Variants in POFUT3 observed in about 807,000 individuals in gnomAD.
POFUT3 encodes the protein GDP-fucose protein O-fucosyltransferase 3.
chr8:33,318,514 A>C, the POFUT3 span, among the ~76,000 whole-genome samples: 1 of 126,106 alleles, frequency 7.9e-6, no homozygotes, highest in Non-Finnish European at 1.6e-5. Context: ...ATAATATATT[A>C]TGATTATAAT....
the POFUT3 span, among the ~76,000 whole-genome samples, chr8:33,429,267 C>T: frequency 6.6e-6 from 1 of 152,106 alleles, no homozygotes; most frequent in Non-Finnish European, 1.5e-5. Flanking sequence ...CTTTCCATTA[C>T]TCCAGTTTCT....
the POFUT3 span, among the ~76,000 whole-genome samples, chr8:33,393,451 C>T: frequency 6.6e-6 from 1 of 152,298 alleles, no homozygotes; most frequent in South Asian, 2.1e-4. Context: ...AAAACGAATG[C>T]TGGCAAAGGG....
the POFUT3 span, among the ~76,000 whole-genome samples, chr8:33,442,108 C>T: frequency 6.6e-6 from 1 of 152,040 alleles, no homozygotes; most frequent in Non-Finnish European, 1.5e-5. Context: ...TGCCACCATG[C>T]CCGGCTAATT....
the POFUT3 span, among the ~76,000 whole-genome samples, chr8:33,395,569 C>A: frequency 2.6e-5 from 4 of 152,060 alleles, no homozygotes; most frequent in Admixed American, 2.6e-4. Flanking sequence ...ATAAAATCTC[C>A]ACATTCACCA....
chr8:33,420,186 C>G, the POFUT3 span, among the ~76,000 whole-genome samples: 1 of 152,092 alleles, frequency 6.6e-6, no homozygotes, highest in African/African-American at 2.4e-5. Flanking sequence ...ATGTGTGTGT[C>G]TCATATATCT....
the POFUT3 span, among the ~76,000 whole-genome samples, chr8:33,430,679 A>G: frequency 1.3e-5 from 2 of 151,954 alleles, no homozygotes; most frequent in African/African-American, 2.4e-5. Context: ...GCTCACCACA[A>G]CCTCCACTTC....
chr8:33,336,848 C>T, the POFUT3 span, among the ~76,000 whole-genome samples: 1 of 152,154 alleles, frequency 6.6e-6, no homozygotes, highest in Admixed American at 6.5e-5. Flanking sequence ...AAGGCAATAA[C>T]AAGGTTACCA....
the POFUT3 span, among the ~76,000 whole-genome samples, chr8:33,440,451 C>A: frequency 1.3e-5 from 2 of 152,120 alleles, no homozygotes; most frequent in Non-Finnish European, 2.9e-5. Flanking sequence ...TCCATGAAGG[C>A]AGAGCTTGTT....
the POFUT3 span, among the ~76,000 whole-genome samples, chr8:33,421,163 A>T: frequency 1.3e-5 from 2 of 152,104 alleles, no homozygotes; most frequent in African/African-American, 4.8e-5. Flanking sequence ...TTTTATGATG[A>T]CATATAATTT....
chr8:33,439,939 T>C, the POFUT3 span, among the ~76,000 whole-genome samples: 1 of 152,096 alleles, frequency 6.6e-6, no homozygotes, highest in Non-Finnish European at 1.5e-5. Flanking sequence ...ATGGCCTGGC[T>C]CCTGACTCCC....
chr8:33,441,257 G>C, the POFUT3 span, among the ~76,000 whole-genome samples: 3 of 149,178 alleles, frequency 2.0e-5, no homozygotes, highest in South Asian at 4.2e-4. Context: ...CTTGAACCCG[G>C]GAAGCAGAGG....
the POFUT3 span, among the ~76,000 whole-genome samples, chr8:33,396,767 A>T: frequency 6.6e-6 from 1 of 152,234 alleles, no homozygotes; most frequent in East Asian, 1.9e-4. Flanking sequence ...AGACCCAGGT[A>T]ACCACAAAGA....
At chr8:33,423,158 T>A in the POFUT3 span, among the ~76,000 whole-genome samples, 15 of 152,040 alleles carry the variant, frequency 9.9e-5, no homozygotes, top group Admixed American at 3.9e-4. Flanking sequence ...TAGCTTATGA[T>A]CCAGGAGCAG....
the POFUT3 span, chr8:33,472,994 T>C: frequency 6.6e-6 from 1 of 152,500 alleles, no homozygotes; most frequent in Admixed American, 6.5e-5. Flanking sequence ...TCTTTCCGTG[T>C]CTCAGCATCA....
At chr8:33,394,790 C>T in the POFUT3 span, among the ~76,000 whole-genome samples, 6 of 152,106 alleles carry the variant, frequency 3.9e-5, no homozygotes, top group Non-Finnish European at 7.4e-5. Flanking sequence ...AAAATTTCTT[C>T]CAGATACACC....
chr8:33,341,176 C>T, the POFUT3 span, among the ~76,000 whole-genome samples: 1 of 152,180 alleles, frequency 6.6e-6, no homozygotes, highest in East Asian at 1.9e-4. Flanking sequence ...TGGCTCACAC[C>T]TGTAATCCCA....
the POFUT3 span, among the ~76,000 whole-genome samples, chr8:33,332,843 T>C: frequency 6.6e-6 from 1 of 152,160 alleles, no homozygotes; most frequent in South Asian, 2.1e-4. Context: ...CTCCCCCATT[T>C]TCCAAGTCTC....
the POFUT3 span, among the ~76,000 whole-genome samples, chr8:33,324,398 A>G: frequency 2.6e-5 from 4 of 152,018 alleles, no homozygotes; most frequent in Non-Finnish European, 4.4e-5. Flanking sequence ...CTCTCCCTGG[A>G]CCCTTTTTTA....
At chr8:33,418,947 A>G in the POFUT3 span, among the ~76,000 whole-genome samples, 41 of 152,338 alleles carry the variant, frequency 2.7e-4, no homozygotes, top group Non-Finnish European at 4.7e-4. Context: ...ACTGGAGGTT[A>G]TTAGGTTAAG....
Sources: gnomAD v4.1 joint callset for allele counts (sites outside exome capture counted in the v4.1 genomes callset) on GRCh38, gnomAD v4.1.1 for gene constraint, MANE v1.5 for transcripts, NCBI Gene and HGNC (gene_info 2026-07-23, HGNC 2026-07-21) for gene names.